The following CEP112 variants were observed in gnomAD, a reference collection of about 807,000 sequenced individuals.
CEP112 encodes the protein centrosomal protein of 112 kDa.
A neutral mutation model predicts 153.0 loss-of-function variants in CEP112; 127 were observed. That is an observed-to-expected ratio of 0.83 (90% CI 0.72 to 0.96). The LOEUF (loss-of-function observed/expected upper bound fraction) is 0.96. Ranked by LOEUF, CEP112 falls within the 40% of genes least tolerant of loss-of-function variation. CEP112 has a pLI of 0.00. For missense variants in CEP112, 1,089 were observed against 1,101.2 expected, an observed-to-expected ratio of 0.99 and a Z score of 0.16; for synonymous variants, 358 against 374.4, an observed-to-expected ratio of 0.96 and a Z score of 0.51.
intron 8 of CEP112, among the ~76,000 whole-genome samples, chr17:66,078,210 T>C (rs1277874569): frequency 6.6e-6 from 1 of 151,956 alleles, no homozygotes; most frequent in African/African-American, 2.4e-5. Context: ...AGGTCCTCTA[T>C]TCTGCTCTAT....
At chr17:65,941,181 C>A (rs759104692) in intron 18 of CEP112, among the ~76,000 whole-genome samples, 2 of 151,924 alleles carry the variant, frequency 1.3e-5, no homozygotes, top group Non-Finnish European at 2.9e-5. Flanking sequence ...GACAAATCTA[C>A]ATATAAAATT....
chr17:66,154,416 G>A (rs980667024), intron 4 of CEP112, among the ~76,000 whole-genome samples: 1 of 151,980 alleles, frequency 6.6e-6, no homozygotes, highest in Non-Finnish European at 1.5e-5. Context: ...TCAGAAGGCT[G>A]AGGCAGGAGA....
chr17:65,778,376 C>G (rs541303332), intron 21 of CEP112, among the ~76,000 whole-genome samples: 28 of 152,252 alleles, frequency 1.8e-4, no homozygotes, highest in African/African-American at 6.5e-4. Flanking sequence ...ACCAATATAC[C>G]ATGACTAGTT....
At chr17:65,942,511 T>C (rs1298501659) in intron 18 of CEP112, among the ~76,000 whole-genome samples, 2 of 152,204 alleles carry the variant, frequency 1.3e-5, no homozygotes, top group Non-Finnish European at 2.9e-5. Flanking sequence ...CAAAATGGTT[T>C]CTGTAGCTTT....
chr17:65,644,185 T>C (rs1358390374), intron 24 of CEP112: 1 of 765,758 alleles, frequency 1.3e-6, no homozygotes, highest in Non-Finnish European at 2.3e-6. Context: ...TCTTCAGCTA[T>C]GGTTGCGTTG....
intron 20 of CEP112, among the ~76,000 whole-genome samples, chr17:65,871,299 T>C (rs566107629): frequency 2.6e-5 from 4 of 152,302 alleles, no homozygotes; most frequent in Admixed American, 2.0e-4. Context: ...CCTCCCATCA[T>C]GTGCACGTTT....
At chr17:65,809,255 G>T (rs191758676) in intron 21 of CEP112, among the ~76,000 whole-genome samples, 50 of 152,312 alleles carry the variant, frequency 3.3e-4, no homozygotes, top group African/African-American at 1.1e-3. Flanking sequence ...ATGTAACTGA[G>T]GGGGAGAGGA....
At chr17:65,728,330 G>A (rs1458708860) in intron 23 of CEP112, among the ~76,000 whole-genome samples, 1 of 152,168 alleles carries the variant, frequency 6.6e-6, no homozygotes, top group Admixed American at 6.5e-5. Context: ...ATATTATGGT[G>A]GGATTACAAA....
chr17:65,889,248 T>G (rs931200902), intron 20 of CEP112, among the ~76,000 whole-genome samples: 10 of 152,116 alleles, frequency 6.6e-5, no homozygotes, highest in South Asian at 2.1e-4. Context: ...ACCTCTAAAA[T>G]GGACTCCCTG....
At chr17:65,674,309 C>T (rs576825967) in intron 24 of CEP112, among the ~76,000 whole-genome samples, 50 of 152,202 alleles carry the variant, frequency 3.3e-4, no homozygotes, top group Non-Finnish European at 5.9e-4. Flanking sequence ...ATTCCCAGGT[C>T]TGTTTCAAAA....
intron 24 of CEP112, among the ~76,000 whole-genome samples, chr17:65,643,705 T>C (rs1326515167): frequency 6.6e-6 from 1 of 152,222 alleles, no homozygotes; most frequent in Non-Finnish European, 1.5e-5. Context: ...CTCTGAGAGA[T>C]GCCTTCATCT....
At chr17:66,174,786 G>A (rs1410124248) in intron 4 of CEP112, among the ~76,000 whole-genome samples, 1 of 152,114 alleles carries the variant, frequency 6.6e-6, no homozygotes, top group Non-Finnish European at 1.5e-5. Flanking sequence ...TGCTTTTAAT[G>A]TATGCTTGTC....
At chr17:65,937,650 T>C (rs1251210794) in intron 18 of CEP112, among the ~76,000 whole-genome samples, 108 of 45,774 alleles carry the variant, frequency 2.4e-3, no homozygotes, top group South Asian at 6.6e-3. Flanking sequence ...CCAGCCGCCC[T>C]GTCCGGGAGG....
intron 21 of CEP112, 69 bp from the exon 22 acceptor site, chr17:65,750,793 T>C (rs1290428924): frequency 7.1e-7 from 1 of 1,416,216 alleles, no homozygotes; most frequent in Non-Finnish European, 1.0e-6. Flanking sequence ...CACATGCCTA[T>C]CACCAGGCAG....
At position 65,635,900 on chromosome 17, in the gene CEP112, A is replaced by C; in HGVS notation, c.*71T>G. ...CTGATCTCACAGTTTACAATATCCA[A>C]ATCTTCAAACCTGCTGGAAGAAGTC... is the stretch of plus-strand genomic sequence containing the variant. On this transcript the variant is annotated 3_prime_UTR_variant, in exon 27 of 27. Coordinates refer to ENST00000535342, the MANE Select transcript of CEP112 (RefSeq NM_001199165.4). 6.5e-7 allele frequency: 1 copy of C among 1,533,632 alleles called. No individual in the cohort carries two copies. The highest frequency in any genetic ancestry group is 1.9e-5 in the Admixed American group (1 of 52,810).
chr17:66,093,543 C>A (rs2068224003), intron 8 of CEP112, among the ~76,000 whole-genome samples: 1 of 150,260 alleles, frequency 6.7e-6, no homozygotes, highest in African/African-American at 2.4e-5. Context: ...TGACAATGAA[C>A]TATACAAAAT....
At chr17:65,773,894 A>C (rs7209548) in intron 21 of CEP112, among the ~76,000 whole-genome samples, 1 of 151,602 alleles carries the variant, frequency 6.6e-6, no homozygotes, top group Non-Finnish European at 1.5e-5. Context: ...AGACCAGCCT[A>C]GCTAACATGG....
In CEP112 at chr17:65,851,969, C is replaced by T; in HGVS notation, c.2229G>A (p.Gln743=). The T allele has an allele frequency of 6.2e-7, 1 of 1,614,118 alleles. No homozygotes were observed. The highest frequency in any genetic ancestry group is 8.5e-7 in the Non-Finnish European group (1 of 1,180,028). Residue 743 remains glutamine (Q), a synonymous_variant, in exon 21 of 27, where the codon CAG becomes CAA. Coordinates refer to ENST00000535342, the MANE Select transcript of CEP112 (RefSeq NM_001199165.4). ...LREELINVNS[Q]RKQQLVELGL... is the part of the protein sequence containing the mutation. ...CAAGCTCTACCAGCTGCTGTTTCCG[C>T]TGTGAGTTCACATTGATCAATTCTT...
chr17:65,885,056 G>A (rs955849299), intron 20 of CEP112, among the ~76,000 whole-genome samples: 1 of 152,096 alleles, frequency 6.6e-6, no homozygotes, highest in South Asian at 2.1e-4. Context: ...TGAAGAGCTT[G>A]AAAAGAATGT....
Sources: allele counts gnomAD v4.1 joint callset (sites outside exome capture counted in the v4.1 genomes callset), GRCh38; gene constraint gnomAD v4.1.1; transcripts MANE v1.5; gene names NCBI Gene and HGNC (gene_info 2026-07-23, HGNC 2026-07-21).